Variants in CIST1 observed in about 807,000 individuals in gnomAD.
CIST1 encodes colon, intestine and stomach enriched 1, also known as uncharacterized LOC729966.
the CIST1 span, among the ~76,000 whole-genome samples, chr19:18,251,111 T>C: frequency 6.8e-6 from 1 of 147,928 alleles, no homozygotes. Flanking sequence ...TTACTTTATT[T>C]ATTTTTGAGA....
chr19:18,250,474 T>A, the CIST1 span: 4 of 399,094 alleles, frequency 1.0e-5, no homozygotes, highest in Admixed American at 4.4e-5. Flanking sequence ...CACCTGGAGC[T>A]GGGGAAAGGA....
chr19:18,250,530 C>A, the CIST1 span: 3 of 385,456 alleles, frequency 7.8e-6, no homozygotes, highest in Non-Finnish European at 1.3e-5. Flanking sequence ...CCTAAGACAC[C>A]CACCAGGGCC....
At chr19:18,251,392 C>A in the CIST1 span, among the ~76,000 whole-genome samples, 3 of 151,568 alleles carry the variant, frequency 2.0e-5, no homozygotes, top group Non-Finnish European at 4.4e-5. Context: ...TCCCAAAGTG[C>A]TGGGATTACA....
the CIST1 span, chr19:18,252,516 G>C: frequency 2.5e-6 from 1 of 398,948 alleles, no homozygotes; most frequent in Non-Finnish European, 4.4e-6. Context: ...TGTAATTCCA[G>C]CACTTTGAGA....
the CIST1 span, chr19:18,252,160 A>T: frequency 2.5e-6 from 1 of 398,896 alleles, no homozygotes; most frequent in East Asian, 3.6e-5. Flanking sequence ...AGGGATTCGG[A>T]ACTGGGGAGG....
the CIST1 span, among the ~76,000 whole-genome samples, chr19:18,252,706 C>T: frequency 6.6e-6 from 1 of 152,176 alleles, no homozygotes. Flanking sequence ...CAACCTCCAC[C>T]TCCTGGGTAC....
chr19:18,251,676 A>ACCCCCCCCCCCC, the CIST1 span, among the ~76,000 whole-genome samples: 3 of 23,568 alleles, frequency 1.3e-4, no homozygotes, highest in African/African-American at 3.4e-4. Context: ...CTCGTGATAC[A>ACCCCCCCCCCCC]CGCCCCCCCC....
the CIST1 span, among the ~76,000 whole-genome samples, chr19:18,251,281 A>G: frequency 1.3e-5 from 2 of 150,326 alleles, no homozygotes; most frequent in South Asian, 4.2e-4. Flanking sequence ...GCCCGCCACC[A>G]TGCCTGGCTA....
At chr19:18,252,202 T>G in the CIST1 span, 1 of 398,876 alleles carries the variant, frequency 2.5e-6, no homozygotes, top group Non-Finnish European at 4.4e-6. Flanking sequence ...AGCTCTGCAC[T>G]GGGGGAGCCA....
the CIST1 span, among the ~76,000 whole-genome samples, chr19:18,251,822 T>G: frequency 6.6e-6 from 1 of 151,834 alleles, no homozygotes; most frequent in Non-Finnish European, 1.5e-5. Flanking sequence ...ATGTATAACC[T>G]GTCTCCCCAC....
At chr19:18,254,409 G>C in the CIST1 span, among the ~76,000 whole-genome samples, 7 of 152,306 alleles carry the variant, frequency 4.6e-5, no homozygotes, top group East Asian at 1.2e-3. Flanking sequence ...GCTGCTGAAG[G>C]GTTGACCAGA....
the CIST1 span, chr19:18,250,234 T>A: frequency 5.0e-6 from 2 of 398,848 alleles, no homozygotes; most frequent in Non-Finnish European, 8.8e-6. Context: ...GCAGCCCAGG[T>A]TGGCCCTGCT....
chr19:18,252,224 C>T, the CIST1 span: 4 of 398,792 alleles, frequency 1.0e-5, no homozygotes, highest in Admixed American at 4.4e-5. Flanking sequence ...AACTAGGGTG[C>T]GTGATTGTCT....
At chr19:18,255,187 T>C in the CIST1 span, 1 of 390,474 alleles carries the variant, frequency 2.6e-6, no homozygotes, top group African/African-American at 2.1e-5. This position sits in a 1 kb window ranked among gnomAD's most constrained non-coding sequence, Gnocchi z 4.6. Flanking sequence ...CCCTTCCGCT[T>C]TCTGGAAGCT....
At chr19:18,253,354 G>A in the CIST1 span, among the ~76,000 whole-genome samples, 1 of 152,102 alleles carries the variant, frequency 6.6e-6, no homozygotes, top group Non-Finnish European at 1.5e-5. Context: ...CTGCACTCCT[G>A]CCTGGGAGAC....
At chr19:18,251,160 C>T in the CIST1 span, among the ~76,000 whole-genome samples, 1 of 151,206 alleles carries the variant, frequency 6.6e-6, no homozygotes, top group Admixed American at 6.6e-5. Context: ...GAGTCTTGCT[C>T]TGTCTCCCAG....
the CIST1 span, among the ~76,000 whole-genome samples, chr19:18,254,566 T>C: frequency 6.6e-6 from 1 of 152,158 alleles, no homozygotes; most frequent in Non-Finnish European, 1.5e-5. Context: ...TCCTGAGCTA[T>C]GAAATGGGGA....
the CIST1 span, among the ~76,000 whole-genome samples, chr19:18,251,636 T>A: frequency 7.4e-6 from 1 of 136,038 alleles, no homozygotes; most frequent in East Asian, 2.4e-4. Context: ...GGTTTCACCA[T>A]TTTGGCCAGG....
chr19:18,255,200 GCCTCTTTACCAGCTCTTAC>G, the CIST1 span: 1 of 395,352 alleles, frequency 2.5e-6, no homozygotes, highest in Non-Finnish European at 4.4e-6. This position sits in a 1 kb window ranked among gnomAD's most constrained non-coding sequence, Gnocchi z 4.6. Context: ...TGGAAGCTGA[GCCTCTTTACCAGCTCTTAC>G]CTGTAAAGGG....
Sources: allele counts gnomAD v4.1 joint callset (sites outside exome capture counted in the v4.1 genomes callset), GRCh38; gene constraint gnomAD v4.1.1; non-coding constraint Gnocchi (gnomAD v3.1); transcripts MANE v1.5; gene names NCBI Gene and HGNC (gene_info 2026-07-23, HGNC 2026-07-21).